The following ST8SIA5 variants were observed in gnomAD, a reference collection of about 807,000 sequenced individuals.
The protein encoded by ST8SIA5 is alpha-2,8-sialyltransferase 8E.
Under a neutral mutation model 40.2 loss-of-function variants are expected in ST8SIA5, and 24 were observed. The observed-to-expected ratio is 0.60, with a 90% CI of 0.43 to 0.84. ST8SIA5 has a LOEUF of 0.84. Ranked by LOEUF, ST8SIA5 falls within the 40% of genes least tolerant of loss-of-function variation. The probability of loss-of-function intolerance (pLI) is 0.00; values close to 1 mark genes in which losing one functional copy is unlikely to be tolerated. For synonymous variants in ST8SIA5, 198 were observed against 201.8 expected (o/e 0.98, Z 0.16); for missense variants, 465 against 498.5 (o/e 0.93, Z 0.64).
rs781428034 is a variant in ST8SIA5 at position 46,756,503 on chromosome 18, G to A, written c.6C>T (p.Arg2=). The A allele has an allele frequency of 2.0e-5, 32 of 1,612,386 alleles. No homozygotes were observed. The highest frequency in any genetic ancestry group is 2.6e-5 in the Non-Finnish European group (31 of 1,178,942). M[R]YADPSANRDL... The stretch of plus-strand genomic sequence containing the variant: ...CCCGGTTGGCCGAGGGGTCCGCGTA[G>A]CGCATCCTGGCTACCGGGCGCCGCG... Residue 2 remains arginine, a synonymous_variant, in exon 1 of 7, where the codon CGC becomes CGT. Coordinates refer to ENST00000315087, the MANE Select transcript of ST8SIA5 (RefSeq NM_013305.6).
intron 1 of ST8SIA5, among the ~76,000 whole-genome samples, chr18:46,704,874 C>T (rs1164582494): frequency 2.0e-5 from 3 of 152,214 alleles, no homozygotes; most frequent in Non-Finnish European, 4.4e-5. Flanking sequence ...CAGCGCCCCA[C>T]TCCCTTGGGA....
chr18:46,746,982 T>A (rs1352686910), intron 1 of ST8SIA5, among the ~76,000 whole-genome samples: 1 of 152,214 alleles, frequency 6.6e-6, no homozygotes, highest in African/African-American at 2.4e-5. Context: ...GGATTCCCTG[T>A]TTAATAAATG....
At chr18:46,682,104 C>G in intron 5 of ST8SIA5, 40 bp from the exon 6 acceptor site, 1 of 1,470,896 alleles carries the variant, frequency 6.8e-7, no homozygotes, top group Non-Finnish European at 9.3e-7. Context: ...GTTGGTCATT[C>G]AATAGGTCAG....
chr18:46,698,330 C>G (rs574107817), intron 2 of ST8SIA5, among the ~76,000 whole-genome samples: 1 of 151,896 alleles, frequency 6.6e-6, no homozygotes, highest in African/African-American at 2.4e-5. Context: ...TCCAACAACC[C>G]AACACACCAA....
intron 2 of ST8SIA5, among the ~76,000 whole-genome samples, chr18:46,693,905 T>C (rs2039531033): frequency 6.6e-6 from 1 of 152,204 alleles, no homozygotes; most frequent in African/African-American, 2.4e-5. Context: ...CCTATCCCTA[T>C]CTTTAGTTAC....
intron 1 of ST8SIA5, among the ~76,000 whole-genome samples, chr18:46,725,969 AAAAATATATATATATATATAT>A (rs1476172349): frequency 3.1e-4 from 14 of 45,622 alleles, no homozygotes; most frequent in African/African-American, 1.5e-3. Context: ...TAAAAAAAAA[AAAAATATATATATATATATAT>A]ATATATATAT....
intron 1 of ST8SIA5, among the ~76,000 whole-genome samples, chr18:46,707,495 C>T (rs1242918112): frequency 6.6e-6 from 1 of 152,156 alleles, no homozygotes; most frequent in East Asian, 1.9e-4. Context: ...TCCTTGGTTC[C>T]TCTTTCTCCT....
chr18:46,676,474 T>C lies in ST8SIA5; in HGVS notation c.*3568A>G, dbSNP rs2039340015. The C allele has an allele frequency of 6.6e-6, 1 of 152,254 alleles. No individual in the cohort carries two copies. Among genetic ancestry groups the C allele is most frequent in the Non-Finnish European group, 1.5e-5 (1 of 68,052 alleles). The allele number at this position is 152,254 out of a possible 1,614,324, so 9.4% of individuals were successfully genotyped here. A position where few individuals can be genotyped will look rare whatever the true frequency, so the allele number is the denominator to read the frequency against. On this transcript the variant is annotated 3_prime_UTR_variant, in exon 7 of 7. Coordinates refer to ENST00000315087, the MANE Select transcript of ST8SIA5 (RefSeq NM_013305.6). ...TGGCCAGCACTCTACTCTGCCTCAG[T>C]TGTTTCTAAGCACTGCTCTGCTTCC...
At chr18:46,725,554 G>A (rs1162305487) in intron 1 of ST8SIA5, among the ~76,000 whole-genome samples, 17 of 152,050 alleles carry the variant, frequency 1.1e-4, no homozygotes, top group Admixed American at 1.1e-3. Flanking sequence ...GGGGGAACAA[G>A]TTACAAAAGG....
chr18:46,699,565 G>A (rs1370285865), intron 2 of ST8SIA5, among the ~76,000 whole-genome samples: 1 of 152,092 alleles, frequency 6.6e-6, no homozygotes, highest in Non-Finnish European at 1.5e-5. Context: ...ATATTCAGTA[G>A]AGACGGGGTT....
chr18:46,746,768 C>T (rs991961881), intron 1 of ST8SIA5, among the ~76,000 whole-genome samples: 10 of 76,786 alleles, frequency 1.3e-4, no homozygotes, highest in African/African-American at 4.0e-4. Flanking sequence ...CAAGACAATC[C>T]TAAGCAAAAA....
intron 1 of ST8SIA5, among the ~76,000 whole-genome samples, chr18:46,717,536 C>T (rs945445365): frequency 1.3e-5 from 2 of 151,978 alleles, no homozygotes; most frequent in African/African-American, 2.4e-5. Context: ...GGCTTCTCCA[C>T]CCTCTCTACT....
At chr18:46,683,376 T>C (rs968717726) in intron 5 of ST8SIA5, among the ~76,000 whole-genome samples, 2 of 151,998 alleles carry the variant, frequency 1.3e-5, no homozygotes, top group Non-Finnish European at 2.9e-5. Flanking sequence ...AATAAGCAGG[T>C]GTTAGCTGGT....
chr18:46,699,569 C>T lies in ST8SIA5; in HGVS notation c.224+5003G>A, dbSNP rs192477081. Reference sequence around the variant, plus strand: ...TAATTTTTTGTATATTCAGTAGAGACGGGGTTTCACAGTGTTAGCCAGAAT... The same window carrying T: ...TAATTTTTTGTATATTCAGTAGAGATGGGGTTTCACAGTGTTAGCCAGAAT... On this transcript the variant is annotated intron_variant, in intron 2 of 6. Transcript: ENST00000315087. 4.0e-3 allele frequency among the ~76,000 whole-genome samples: 612 copies of T among 152,170 alleles called. 7 individuals are homozygous for T. Among genetic ancestry groups the T allele is most frequent in the African/African-American group, 0.014 (600 of 41,534 alleles).
intron 1 of ST8SIA5, among the ~76,000 whole-genome samples, chr18:46,730,904 C>A (rs923994031): frequency 2.0e-5 from 3 of 152,140 alleles, no homozygotes; most frequent in Non-Finnish European, 2.9e-5. Context: ...TTGCCTGAGA[C>A]CCAGAGTTAA....
chr18:46,690,649 T>C (rs1359569145), intron 3 of ST8SIA5, among the ~76,000 whole-genome samples: 2 of 145,620 alleles, frequency 1.4e-5, no homozygotes, highest in Non-Finnish European at 3.0e-5. Flanking sequence ...AGTCTCGCTC[T>C]GTCGCCCAGG....
chr18:46,699,645 C>T (rs1377629093), intron 2 of ST8SIA5, among the ~76,000 whole-genome samples: 1 of 152,226 alleles, frequency 6.6e-6, no homozygotes, highest in African/African-American at 2.4e-5. Context: ...TCCCAAAGTG[C>T]TGTGATTACA....
rs995106007 is a variant in ST8SIA5 at position 46,678,189 on chromosome 18, A to G, written c.*1853T>C. 1 of 152,280 alleles carries G rather than the reference A, an allele frequency of 6.6e-6. No individual in the cohort carries two copies. Among genetic ancestry groups the G allele is most frequent in the African/African-American group, 2.4e-5 (1 of 41,446 alleles). 9.4% of individuals were successfully genotyped at this position (152,280 alleles called of 1,614,324 possible). On this transcript the variant is annotated 3_prime_UTR_variant, in exon 7 of 7. Coordinates refer to ENST00000315087, the MANE Select transcript of ST8SIA5 (RefSeq NM_013305.6). ...TGGCTACTCCCCTACATTCCTGACCAGCAGACTGAGACTCAGAGCCACCTG... is the reference window on the plus strand; with the variant it reads ...TGGCTACTCCCCTACATTCCTGACCGGCAGACTGAGACTCAGAGCCACCTG...
At chr18:46,752,851 G>A (rs2040207122) in intron 1 of ST8SIA5, among the ~76,000 whole-genome samples, 1 of 152,322 alleles carries the variant, frequency 6.6e-6, no homozygotes, top group Admixed American at 6.5e-5. Context: ...AAGTGGACCT[G>A]CTCCCTGCAA....
Sources: gnomAD v4.1 joint callset for allele counts (sites outside exome capture counted in the v4.1 genomes callset) on GRCh38, gnomAD v4.1.1 for gene constraint, MANE v1.5 for transcripts, NCBI Gene and HGNC (gene_info 2026-07-23, HGNC 2026-07-21) for gene names.